NAALADL2: variants seen among roughly 807,000 people sequenced by gnomAD.
NAALADL2 encodes inactive N-acetylated-alpha-linked acidic dipeptidase-like protein 2.
A neutral mutation model predicts 87.2 loss-of-function variants in NAALADL2; 76 were observed. The observed-to-expected ratio is 0.87, with a 90% CI of 0.72 to 1.05. NAALADL2 has a LOEUF of 1.05. Among genes scored for constraint, NAALADL2 ranks in the 50% least tolerant of loss-of-function variants. The probability of loss-of-function intolerance (pLI) is 0.00; values close to 1 mark genes in which losing one functional copy is unlikely to be tolerated. For synonymous variants in NAALADL2, 354 were observed against 331.0 expected, an observed-to-expected ratio of 1.07 and a Z score of -0.75; for missense variants, 1,089 against 945.8, an observed-to-expected ratio of 1.15 and a Z score of -1.99.
chr3:175,698,469 G>T (rs1374412638), intron 11 of NAALADL2, among the ~76,000 whole-genome samples: 1 of 105,048 alleles, frequency 9.5e-6, no homozygotes, highest in Admixed American at 8.8e-5. Flanking sequence ...GTGTATATAT[G>T]TGTGTATATA....
intron 6 of NAALADL2, among the ~76,000 whole-genome samples, chr3:175,461,730 A>T (rs1383160850): frequency 6.6e-6 from 1 of 152,232 alleles, no homozygotes; most frequent in Non-Finnish European, 1.5e-5. Flanking sequence ...CTATATCTGT[A>T]TCTAAAATAA....
intron 1 of NAALADL2, among the ~76,000 whole-genome samples, chr3:174,957,736 CAG>C (rs1669294836): frequency 2.0e-5 from 3 of 151,780 alleles, no homozygotes; most frequent in Admixed American, 2.0e-4. Flanking sequence ...TCAGAGATGA[CAG>C]ATTCATAGTT....
At chr3:175,381,989 C>T (rs147646881) in intron 5 of NAALADL2, among the ~76,000 whole-genome samples, 16 of 152,250 alleles carry the variant, frequency 1.1e-4, no homozygotes, top group Middle Eastern at 3.4e-3. Context: ...GCTCACTTTC[C>T]CTTCTCTGGG....
chr3:174,652,891 A>G (rs953285912), intron 2 of NAALADL2, among the ~76,000 whole-genome samples: 1 of 152,202 alleles, frequency 6.6e-6, no homozygotes, highest in African/African-American at 2.4e-5. Context: ...ACCCAATGGA[A>G]AAATAGGCAA....
rs188160063 is a variant in NAALADL2, at chr3:174,569,887, T to C, written c.-115+19250T>C. ...TTTCACCATATATATGAACTACTTA[T>C]TATTAGGCAAACAACTCAGGGCCTG... On this transcript the variant is annotated intron_variant, in intron 2 of 3. Coordinates refer to the NAALADL2 transcript ENST00000434257. Among the ~76,000 whole-genome samples, 15 of 152,212 alleles carry C rather than the reference T, an allele frequency of 9.9e-5. 1 individual carries two copies. The highest frequency in any genetic ancestry group is 2.6e-4 in the African/African-American group (11 of 41,536).
chr3:175,191,575 AT>A (rs1738214379), intron 2 of NAALADL2, among the ~76,000 whole-genome samples: 1 of 152,172 alleles, frequency 6.6e-6, no homozygotes, highest in African/African-American at 2.4e-5. Context: ...TGAATGATAT[AT>A]TTGTGAGAAA....
intron 11 of NAALADL2, among the ~76,000 whole-genome samples, chr3:175,736,586 G>C (rs570787021): frequency 6.6e-6 from 1 of 152,310 alleles, no homozygotes; most frequent in South Asian, 2.1e-4. Flanking sequence ...TAACACAGAG[G>C]TTATAATCAC....
intron 13 of NAALADL2, among the ~76,000 whole-genome samples, chr3:175,767,325 A>G (rs1025083111): frequency 1.3e-5 from 2 of 152,214 alleles, no homozygotes; most frequent in Non-Finnish European, 2.9e-5. Flanking sequence ...CTATAATTAG[A>G]GCTAAATTTA....
intron 2 of NAALADL2, among the ~76,000 whole-genome samples, chr3:175,200,886 G>A (rs924561561): frequency 6.6e-6 from 1 of 151,978 alleles, no homozygotes; most frequent in African/African-American, 2.4e-5. Context: ...TACTTATCAT[G>A]ACCTCTTCAA....
chr3:175,230,246 G>A (rs1217338390), intron 2 of NAALADL2, among the ~76,000 whole-genome samples: 1 of 151,956 alleles, frequency 6.6e-6, no homozygotes, highest in Admixed American at 6.6e-5. Flanking sequence ...ATAACTTCAT[G>A]ACCACAGCAT....
intron 1 of NAALADL2, among the ~76,000 whole-genome samples, chr3:175,058,786 G>C (rs1285833313): frequency 6.6e-6 from 1 of 152,158 alleles, no homozygotes; most frequent in South Asian, 2.1e-4. Flanking sequence ...TTTTCTCTAC[G>C]GCAGCTAGAG....
intron 9 of NAALADL2, among the ~76,000 whole-genome samples, chr3:175,488,927 T>C (rs1051235217): frequency 6.6e-6 from 1 of 152,180 alleles, no homozygotes; most frequent in African/African-American, 2.4e-5. Flanking sequence ...ACAGTGGTTA[T>C]TGGCATGAGC....
At chr3:174,572,589 T>C (rs1187307489) in intron 2 of NAALADL2, among the ~76,000 whole-genome samples, 1 of 152,208 alleles carries the variant, frequency 6.6e-6, no homozygotes, top group Admixed American at 6.5e-5. Context: ...AAGGATATTA[T>C]TTGTTACACA....
At chr3:174,787,608 T>TATATACAC (rs1553855471) in intron 3 of NAALADL2, among the ~76,000 whole-genome samples, 7 of 109,332 alleles carry the variant, frequency 6.4e-5, no homozygotes, top group Non-Finnish European at 1.4e-4. Context: ...TATATATATA[T>TATATACAC]ATATATATAT....
At position 174,984,086 on chromosome 3, in the gene NAALADL2, A is replaced by G. The variant is rs141721188; in HGVS notation, c.44-112704A>G. On this transcript the variant is annotated intron_variant, in intron 1 of 13. Coordinates refer to ENST00000454872, the MANE Select transcript of NAALADL2 (RefSeq NM_207015.3). ...ACAATGATTATGATTAGTAAAACAAATTATAAAGAAGCGCTTGAGATGTTT... is the reference window on the plus strand; with the variant it reads ...ACAATGATTATGATTAGTAAAACAAGTTATAAAGAAGCGCTTGAGATGTTT... 2.1e-3 allele frequency among the ~76,000 whole-genome samples: 315 copies of G among 151,750 alleles called. 2 individuals carry two copies. Among genetic ancestry groups the G allele is most frequent in the African/African-American group, 7.1e-3 (292 of 41,074 alleles).
At chr3:174,576,648 A>T (rs1214398936) in intron 2 of NAALADL2, among the ~76,000 whole-genome samples, 1 of 152,194 alleles carries the variant, frequency 6.6e-6, no homozygotes, top group Non-Finnish European at 1.5e-5. Context: ...TGTGCTTTAA[A>T]TTTAAACAAA....
chr3:174,563,776 C>T (rs1352400820), intron 2 of NAALADL2, among the ~76,000 whole-genome samples: 1 of 152,098 alleles, frequency 6.6e-6, no homozygotes, highest in Non-Finnish European at 1.5e-5. Context: ...GATCTGTCTT[C>T]ATATGTTTTG....
intron 13 of NAALADL2, among the ~76,000 whole-genome samples, chr3:175,768,066 A>G (rs1402453001): frequency 1.3e-5 from 2 of 152,184 alleles, no homozygotes; most frequent in Non-Finnish European, 1.5e-5. Flanking sequence ...GACTTGTGCC[A>G]TAATTGGTCA....
At chr3:174,825,418 G>A (rs1721870346) in intron 3 of NAALADL2, among the ~76,000 whole-genome samples, 1 of 152,202 alleles carries the variant, frequency 6.6e-6, no homozygotes, top group African/African-American at 2.4e-5. Context: ...CCTAAGGAGA[G>A]GGAGAGAATT....
Sources: gnomAD v4.1 joint callset for allele counts (sites outside exome capture counted in the v4.1 genomes callset) on GRCh38, gnomAD v4.1.1 for gene constraint, MANE v1.5 for transcripts, NCBI Gene and HGNC (gene_info 2026-07-23, HGNC 2026-07-21) for gene names.